The following ACACA variants were observed in gnomAD, a reference collection of about 807,000 sequenced individuals.
The protein encoded by ACACA is acetyl-CoA carboxylase alpha, also known as acetyl-CoA carboxylase 1.
A neutral mutation model predicts 296.1 loss-of-function variants in ACACA; 103 were observed. The ratio of observed to expected loss-of-function variants is 0.35; its 90% CI spans 0.30 to 0.41. ACACA has a LOEUF of 0.41. Among genes scored for constraint, ACACA ranks in the 10% least tolerant of loss-of-function variants. ACACA has a pLI of 1.00. For synonymous variants in ACACA, 953 were observed against 1,038.6 expected (o/e 0.92, Z 1.58); for missense variants, 1,554 against 2,989.7 (o/e 0.52, Z 11.20).
Position 37,257,702 on chromosome 17 carries a change from C to A in ACACA, c.1826+1G>T. The stretch of plus-strand genomic sequence containing the variant: ...ATGCAATCAAATGCTATTATACTCA[C>A]GAAATTGCCTCTTCTCTGTTTTCTC... On this transcript the variant is annotated splice_donor_variant, in intron 14 of 55. Transcript: ENST00000616317. LOFTEE classifies it high-confidence loss of function. 3 of 1,613,930 alleles carry A rather than the reference C, an allele frequency of 1.9e-6. No individual in the cohort carries two copies. Among genetic ancestry groups the A allele is most frequent in the Non-Finnish European group, 2.5e-6 (3 of 1,179,952 alleles).
At chr17:37,173,797 T>C (rs769134839) in intron 41 of ACACA, among the ~76,000 whole-genome samples, 2 of 148,108 alleles carry the variant, frequency 1.4e-5, no homozygotes, top group Admixed American at 6.7e-5. Flanking sequence ...AAAACCAAAA[T>C]ACCAGTCATG....
chr17:37,149,504 A>G (rs2075952693), intron 45 of ACACA, among the ~76,000 whole-genome samples: 1 of 152,242 alleles, frequency 6.6e-6, no homozygotes, highest in African/African-American at 2.4e-5. Flanking sequence ...TAAGAAAAAG[A>G]GAGAAGTGGG....
chr17:37,174,010 A>ATTTTT (rs1373844954), intron 41 of ACACA, among the ~76,000 whole-genome samples: 2 of 12,198 alleles, frequency 1.6e-4, no homozygotes, highest in African/African-American at 4.3e-4. Flanking sequence ...ATATATATAT[A>ATTTTT]TATATATATA....
chr17:37,263,007 G>A (rs1037930690), intron 11 of ACACA, among the ~76,000 whole-genome samples: 4 of 152,208 alleles, frequency 2.6e-5, no homozygotes, highest in African/African-American at 9.6e-5. Flanking sequence ...TAGGATTACA[G>A]GCAAGAGCCA....
At chr17:37,184,040 T>G (rs1413860808) in intron 39 of ACACA, among the ~76,000 whole-genome samples, 1 of 151,948 alleles carries the variant, frequency 6.6e-6, no homozygotes, top group Non-Finnish European at 1.5e-5. Flanking sequence ...TTAGTAGAGA[T>G]GGAGTTTCTC....
At chr17:37,228,754 A>G (rs1462147224) in intron 25 of ACACA, among the ~76,000 whole-genome samples, 1 of 152,158 alleles carries the variant, frequency 6.6e-6, no homozygotes, top group African/African-American at 2.4e-5. Flanking sequence ...ATGCCTAAAA[A>G]CATAAGAAGT....
At chr17:37,358,262 G>A (rs768506525) in intron 1 of ACACA, among the ~76,000 whole-genome samples, 2 of 152,162 alleles carry the variant, frequency 1.3e-5, no homozygotes, top group African/African-American at 2.4e-5. Context: ...CCAAAATAAT[G>A]TTGGCCCCGA....
At chr17:37,296,961 C>T (rs2083368442) in intron 3 of ACACA, among the ~76,000 whole-genome samples, 1 of 151,176 alleles carries the variant, frequency 6.6e-6, no homozygotes, top group African/African-American at 2.4e-5. Context: ...AGGTGATCTG[C>T]CCGCCTCGGC....
chr17:37,232,451 T>C (rs1567854273), intron 25 of ACACA, among the ~76,000 whole-genome samples: 1 of 151,974 alleles, frequency 6.6e-6, no homozygotes, highest in Non-Finnish European at 1.5e-5. Flanking sequence ...ACAACCAAAA[T>C]GGCTCTTACC....
chr17:37,321,036 A>G (rs1211089197), intron 3 of ACACA, among the ~76,000 whole-genome samples: 1 of 152,220 alleles, frequency 6.6e-6, no homozygotes, highest in East Asian at 1.9e-4. Flanking sequence ...GGTACTCCAC[A>G]TAAAGCACAG....
intron 3 of ACACA, among the ~76,000 whole-genome samples, chr17:37,296,271 A>G (rs1211258240): frequency 6.9e-6 from 1 of 144,556 alleles, no homozygotes; most frequent in African/African-American, 2.5e-5. Flanking sequence ...GTCCTCACAG[A>G]GTGGAAGGGG....
intron 25 of ACACA, among the ~76,000 whole-genome samples, chr17:37,231,218 TA>T (rs777551834): frequency 0.03 from 3,878 of 127,622 alleles, 96 homozygotes; most frequent in African/African-American, 0.083. Flanking sequence ...ATCTTTAATT[TA>T]AAAAAAAAAA....
chr17:37,216,570 GA>G (rs1300467828), intron 29 of ACACA, among the ~76,000 whole-genome samples: 1 of 150,786 alleles, frequency 6.6e-6, no homozygotes, highest in African/African-American at 2.4e-5. Flanking sequence ...AAAAATAGTC[GA>G]ATTATACCAA....
chr17:37,145,284 A>G (rs1357140636), intron 45 of ACACA, among the ~76,000 whole-genome samples: 2 of 152,148 alleles, frequency 1.3e-5, no homozygotes, highest in Non-Finnish European at 1.5e-5. Flanking sequence ...GTGCATCTTA[A>G]CAGTTCCCCA....
chr17:37,319,810 G>T (rs368032221), intron 3 of ACACA, among the ~76,000 whole-genome samples: 16 of 152,192 alleles, frequency 1.1e-4, no homozygotes, highest in African/African-American at 3.9e-4. Flanking sequence ...AAATTAGCTG[G>T]GGGTGGTGGC....
At chr17:37,330,148 A>C (rs1247196853) in intron 3 of ACACA, 25 bp downstream of exon 3, 10 of 1,613,632 alleles carry the variant, frequency 6.2e-6, no homozygotes, top group Non-Finnish European at 8.5e-6. Flanking sequence ...AGATTAAATA[A>C]GTAGACCATT....
At chr17:37,400,872 C>T (rs9913481) in intron 1 of ACACA, among the ~76,000 whole-genome samples, 36,999 of 151,990 alleles carry the variant, frequency 0.24, 4,609 homozygotes, top group Middle Eastern at 0.37. Context: ...GTACAGATAC[C>T]TTGACATGCA....
At chr17:37,160,680 T>C (rs1207744982) in intron 42 of ACACA, among the ~76,000 whole-genome samples, 1 of 151,208 alleles carries the variant, frequency 6.6e-6, no homozygotes, top group African/African-American at 2.4e-5. Context: ...GTAAGCAGAG[T>C]GAAGAGAGAA....
chr17:37,206,957 A>G, intron 31 of ACACA, 78 bp from the exon 32 acceptor site: 1 of 1,247,734 alleles, frequency 8.0e-7, no homozygotes, highest in South Asian at 1.2e-5. Context: ...AGCTGAGTCT[A>G]AAAGAATAAT....
Sources: gnomAD v4.1 joint callset for allele counts (sites outside exome capture counted in the v4.1 genomes callset) on GRCh38, gnomAD v4.1.1 for gene constraint, MANE v1.5 for transcripts, NCBI Gene and HGNC (gene_info 2026-07-23, HGNC 2026-07-21) for gene names.